Variants in CERS4 observed in about 807,000 individuals in gnomAD.
The protein encoded by CERS4 is LAG1 homolog, ceramide synthase 4.
CERS4 carries 65 observed loss-of-function variants against 51.8 expected under a neutral mutation model. The ratio of observed to expected loss-of-function variants is 1.26; its 90% CI spans 1.03 to 1.54. The LOEUF is 1.54. Ranked by LOEUF, CERS4 falls within the 40% of genes most tolerant of loss-of-function variation. The pLI is 0.00. For synonymous variants in CERS4, 228 were observed against 208.4 expected, an observed-to-expected ratio of 1.09 and a Z score of -0.81; for missense variants, 563 against 500.4, an observed-to-expected ratio of 1.13 and a Z score of -1.19.
chr19:8,236,917 C>T (rs1478069879), intron 2 of CERS4, among the ~76,000 whole-genome samples: 3 of 136,042 alleles, frequency 2.2e-5, no homozygotes, highest in African/African-American at 5.5e-5. Flanking sequence ...GCAGTAGAAT[C>T]GCTTGAACCA....
intron 2 of CERS4, among the ~76,000 whole-genome samples, chr19:8,220,828 T>G (rs28539385): frequency 6.7e-6 from 1 of 149,102 alleles, no homozygotes; most frequent in Non-Finnish European, 1.5e-5. Context: ...TTTTTTTTTT[T>G]GTTTTTTTTT....
At chr19:8,223,327 T>C (rs953287990) in intron 2 of CERS4, among the ~76,000 whole-genome samples, 6 of 151,732 alleles carry the variant, frequency 4.0e-5, no homozygotes, top group Non-Finnish European at 8.8e-5. Context: ...TCTTTTTTAA[T>C]TGGCCGGGCC....
chr19:8,251,270 A>G, intron 3 of CERS4, 21 bp downstream of exon 3: 7 of 1,563,656 alleles, frequency 4.5e-6, no homozygotes, highest in Non-Finnish European at 4.3e-6. Flanking sequence ...GCCCTGCCGC[A>G]ATCCATTGCC....
At chr19:8,212,415 A>G (rs893276399) in intron 2 of CERS4, among the ~76,000 whole-genome samples, 1 of 152,124 alleles carries the variant, frequency 6.6e-6, no homozygotes, top group Non-Finnish European at 1.5e-5. Context: ...ATCTGTTCTC[A>G]GCATCTGGAA....
At chr19:8,254,986 T>C (rs1969302003) in intron 4 of CERS4, among the ~76,000 whole-genome samples, 1 of 152,104 alleles carries the variant, frequency 6.6e-6, no homozygotes, top group Non-Finnish European at 1.5e-5. Flanking sequence ...TGAGAGTAGT[T>C]GCTTGCTCTC....
intron 10 of CERS4, among the ~76,000 whole-genome samples, chr19:8,259,865 C>T (rs1392339969): frequency 6.6e-6 from 1 of 152,124 alleles, no homozygotes; most frequent in Non-Finnish European, 1.5e-5. Context: ...AGTCTCAGTC[C>T]TCGGGCTTCC....
At position 8,217,816 on chromosome 19, in the gene CERS4, C is replaced by T. The variant is rs1441191894; in HGVS notation, c.-2+6954C>T. Among the ~76,000 whole-genome samples, 13 of 152,120 alleles carry T rather than the reference C, an allele frequency of 8.5e-5. No individual in the cohort carries two copies. In the South Asian group the frequency reaches 1.7e-3, roughly 19 times the overall value. ...CCTCCCAAAGTGTTGGGATTACAGG[C>T]GTGAGCCACCGCACCTGGCTAATTT... On this transcript the variant is annotated intron_variant, in intron 2 of 11. Coordinates refer to ENST00000251363, the MANE Select transcript of CERS4 (RefSeq NM_024552.3).
chr19:8,241,969 T>C (rs982500101), intron 2 of CERS4, among the ~76,000 whole-genome samples: 1 of 152,142 alleles, frequency 6.6e-6, no homozygotes, highest in Non-Finnish European at 1.5e-5. Flanking sequence ...CTCAGCCTCA[T>C]TTCCTCCCTT....
At chr19:8,245,484 A>G (rs1968739163) in intron 2 of CERS4, among the ~76,000 whole-genome samples, 1 of 152,022 alleles carries the variant, frequency 6.6e-6, no homozygotes, top group Admixed American at 6.6e-5. Flanking sequence ...CCTGGGTTCA[A>G]GCAATCCTCC....
chr19:8,230,045 G>A (rs1967946007), intron 2 of CERS4, among the ~76,000 whole-genome samples: 1 of 152,062 alleles, frequency 6.6e-6, no homozygotes, highest in Non-Finnish European at 1.5e-5. Flanking sequence ...TCTTCTGTGT[G>A]TTTATGTGCA....
intron 3 of CERS4, among the ~76,000 whole-genome samples, 182 bp downstream of exon 3, chr19:8,251,431 G>C (rs947214451): frequency 2.0e-5 from 3 of 152,046 alleles, no homozygotes; most frequent in Non-Finnish European, 4.4e-5. Context: ...TCTGATGGCT[G>C]GTTTATAGGA....
chr19:8,250,080 T>G (rs1348045606), intron 2 of CERS4, among the ~76,000 whole-genome samples: 2 of 151,742 alleles, frequency 1.3e-5, no homozygotes, highest in African/African-American at 4.8e-5. Flanking sequence ...GTTCAAGCGA[T>G]TCTCCTGCCT....
chr19:8,234,480 T>G (rs1036123121), intron 2 of CERS4, among the ~76,000 whole-genome samples: 1 of 151,148 alleles, frequency 6.6e-6, no homozygotes, highest in Non-Finnish European at 1.5e-5. Flanking sequence ...AAAACTGAAA[T>G]GCTGTACTTT....
chr19:8,248,609 A>G (rs1448069155), intron 2 of CERS4, among the ~76,000 whole-genome samples: 1 of 151,004 alleles, frequency 6.6e-6, no homozygotes, highest in Non-Finnish European at 1.5e-5. Context: ...GGGTAGGTGG[A>G]TGGATGATGG....
In CERS4 at chr19:8,216,864, G is replaced by A. The variant is rs1472386287; in HGVS notation, c.-2+6002G>A. Among the ~76,000 whole-genome samples, 3 of 152,080 alleles carry A rather than the reference G, an allele frequency of 2.0e-5. No homozygotes were observed. The East Asian group carries it at 5.8e-4, about 29-fold the overall frequency. ...GCGTACCTCGGGTGGCAGGTAACAG[G>A]CAGGTTCTGGAGACAGGCAGGCTTG... On this transcript the variant is annotated intron_variant, in intron 2 of 11. Coordinates refer to ENST00000251363, the MANE Select transcript of CERS4 (RefSeq NM_024552.3).
chr19:8,261,537 G>A (rs1021938013), intron 10 of CERS4, 151 bp from the exon 11 acceptor site: 19 of 857,258 alleles, frequency 2.2e-5, no homozygotes, highest in Non-Finnish European at 3.3e-5. Context: ...CGCGTGCCCA[G>A]CTCAAGAGTG....
rs1335873218 is a variant in CERS4 at position 8,257,880 on chromosome 19, C to A, written c.743C>A (p.Ala248Asp). ...ATTTCTCCCTGCTGCCCTTTCCAGG[C>A]CTGTAAGATGGTCAACTACATGCAG... ...LHDSSDYLLE[A>D]CKMVNYMQYQ... The change falls in exon 10 of 12, where the codon GCC (alanine) becomes GAC (aspartate). Residue 248 changes from alanine (A) to aspartate (D), a missense_variant and splice_region_variant. Transcript: ENST00000251363. 2 of 1,613,038 alleles carry A rather than the reference C, an allele frequency of 1.2e-6. No individual in the cohort carries two copies. The highest frequency in any genetic ancestry group is 2.7e-5 in the African/African-American group (2 of 74,906).
intron 2 of CERS4, among the ~76,000 whole-genome samples, chr19:8,249,197 G>A (rs1968943328): frequency 7.2e-6 from 1 of 138,796 alleles, no homozygotes; most frequent in African/African-American, 2.7e-5. Context: ...TTGGATGGGT[G>A]GATGGACGAT....
At chr19:8,240,974 G>A (rs540562298) in intron 2 of CERS4, among the ~76,000 whole-genome samples, 1 of 151,606 alleles carries the variant, frequency 6.6e-6, no homozygotes, top group South Asian at 2.1e-4. Flanking sequence ...TGGGAGTGGG[G>A]CCAGGGAGGC....
Sources: gnomAD v4.1 joint callset for allele counts (sites outside exome capture counted in the v4.1 genomes callset) on GRCh38, gnomAD v4.1.1 for gene constraint, MANE v1.5 for transcripts, NCBI Gene and HGNC (gene_info 2026-07-23, HGNC 2026-07-21) for gene names.